CADM2: variants seen among roughly 807,000 people sequenced by gnomAD.
CADM2 encodes cell adhesion molecule 2, also known as immunoglobulin superfamily member 4D.
Under a neutral mutation model 49.8 loss-of-function variants are expected in CADM2, and 12 were observed. The observed-to-expected ratio is 0.24, with a 90% CI of 0.15 to 0.39. The LOEUF (loss-of-function observed/expected upper bound fraction) is 0.39, where lower values mean the gene tolerates loss of function less well. Among genes scored for constraint, CADM2 ranks in the 10% least tolerant of loss-of-function variants. The pLI is 1.00. For missense variants in CADM2, 378 were observed against 492.3 expected, an observed-to-expected ratio of 0.77 and a Z score of 2.20; for synonymous variants, 214 against 175.4, an observed-to-expected ratio of 1.22 and a Z score of -1.74.
At chr3:86,009,692 A>AT (rs1453789634) in intron 8 of CADM2, among the ~76,000 whole-genome samples, 2 of 151,724 alleles carry the variant, frequency 1.3e-5, no homozygotes, top group African/African-American at 2.4e-5. Flanking sequence ...AAAAATTATT[A>AT]TTTTTTTATG....
intron 1 of CADM2, among the ~76,000 whole-genome samples, chr3:85,418,993 G>C (rs1484707436): frequency 6.6e-6 from 1 of 152,082 alleles, no homozygotes; most frequent in Non-Finnish European, 1.5e-5. Flanking sequence ...GAAGGGTTGG[G>C]AACAGAAAGT....
At chr3:85,166,513 T>G (rs1211874180) in intron 1 of CADM2, among the ~76,000 whole-genome samples, 1 of 151,852 alleles carries the variant, frequency 6.6e-6, no homozygotes, top group Non-Finnish European at 1.5e-5. Context: ...AAATACATAT[T>G]TCTATTGCAT....
intron 8 of CADM2, among the ~76,000 whole-genome samples, chr3:85,996,671 C>G (rs1293746797): frequency 1.3e-5 from 2 of 151,992 alleles, no homozygotes; most frequent in Admixed American, 6.6e-5. Flanking sequence ...CTTTATTGTT[C>G]TGAAATATTC....
intron 1 of CADM2, among the ~76,000 whole-genome samples, chr3:85,284,008 T>C (rs796624678): frequency 1.3e-5 from 2 of 152,284 alleles, no homozygotes; most frequent in East Asian, 1.9e-4. Context: ...GTGGATACTA[T>C]AATAATTTAG....
At chr3:85,511,137 A>G (rs2040599103) in intron 1 of CADM2, among the ~76,000 whole-genome samples, 1 of 152,054 alleles carries the variant, frequency 6.6e-6, no homozygotes, top group Non-Finnish European at 1.5e-5. Context: ...TTAAAAGCAC[A>G]CCTCACCCCT....
chr3:85,382,778 A>C (rs2033976730), intron 1 of CADM2, among the ~76,000 whole-genome samples: 1 of 152,212 alleles, frequency 6.6e-6, no homozygotes, highest in Non-Finnish European at 1.5e-5. Context: ...TAGAGACAGA[A>C]ACAAATATTT....
intron 8 of CADM2, among the ~76,000 whole-genome samples, chr3:86,026,339 ATTT>A (rs142941680): frequency 4.8e-5 from 7 of 146,566 alleles, no homozygotes; most frequent in African/African-American, 1.5e-4. Flanking sequence ...CAACTATGCC[ATTT>A]TTTTTTTGGT....
intron 1 of CADM2, among the ~76,000 whole-genome samples, chr3:85,134,587 T>A (rs559408812): frequency 6.6e-6 from 1 of 152,334 alleles, no homozygotes; most frequent in East Asian, 1.9e-4. Context: ...ATATCTGTTA[T>A]TTTTAGTTGT....
chr3:85,401,074 A>G (rs985229869), intron 1 of CADM2, among the ~76,000 whole-genome samples: 6 of 152,150 alleles, frequency 3.9e-5, no homozygotes, highest in African/African-American at 1.4e-4. Flanking sequence ...AAACAGATGC[A>G]TTTTAAACAA....
chr3:85,417,060 G>C (rs1278009860), intron 1 of CADM2, among the ~76,000 whole-genome samples: 26 of 151,764 alleles, frequency 1.7e-4, no homozygotes, highest in Admixed American at 1.7e-3. Flanking sequence ...CTAACATGTA[G>C]AAAAATGTTC....
chr3:85,258,374 C>G (rs1420132175), intron 1 of CADM2, among the ~76,000 whole-genome samples: 1 of 152,044 alleles, frequency 6.6e-6, no homozygotes, highest in Non-Finnish European at 1.5e-5. Context: ...ATCTTATTAC[C>G]TTGGAGGCTT....
At chr3:85,550,551 A>T (rs1265681018) in intron 1 of CADM2, among the ~76,000 whole-genome samples, 1 of 152,216 alleles carries the variant, frequency 6.6e-6, no homozygotes, top group East Asian at 1.9e-4. Context: ...TTTGGGAATA[A>T]CTGATGTAGG....
chr3:85,718,170 T>C (rs1211760172), intron 1 of CADM2, among the ~76,000 whole-genome samples: 2 of 152,320 alleles, frequency 1.3e-5, no homozygotes, highest in East Asian at 3.9e-4. Context: ...TATATGTATA[T>C]ATAACCCATA....
chr3:85,262,172 G>C (rs576085584), intron 1 of CADM2, among the ~76,000 whole-genome samples: 1 of 151,980 alleles, frequency 6.6e-6, no homozygotes, highest in South Asian at 2.1e-4. Flanking sequence ...TAAATTTCAG[G>C]GAAATAAAAC....
intron 8 of CADM2, among the ~76,000 whole-genome samples, chr3:86,047,013 T>C (rs1221555648): frequency 1.3e-5 from 2 of 152,056 alleles, no homozygotes; most frequent in Non-Finnish European, 2.9e-5. Context: ...CAATCAAACA[T>C]TTATCTAGTA....
At chr3:85,344,139 G>A (rs934012437) in intron 1 of CADM2, among the ~76,000 whole-genome samples, 1 of 152,016 alleles carries the variant, frequency 6.6e-6, no homozygotes, top group Non-Finnish European at 1.5e-5. Context: ...ACTTTGGGGG[G>A]CCGAGGCGGG....
intron 1 of CADM2, among the ~76,000 whole-genome samples, chr3:85,074,919 C>T (rs1251365261): frequency 7.2e-6 from 1 of 139,516 alleles, no homozygotes; most frequent in Non-Finnish European, 1.6e-5. Flanking sequence ...GTATTCCTCT[C>T]AAAAAAAAAA....
At chr3:85,298,501 TG>T (rs2044020344) in intron 1 of CADM2, among the ~76,000 whole-genome samples, 2 of 152,138 alleles carry the variant, frequency 1.3e-5, no homozygotes, top group Admixed American at 1.3e-4. Context: ...TTTATCTTTT[TG>T]GCATTTCTAG....
At chr3:85,179,876 G>A (rs1398703625) in intron 1 of CADM2, among the ~76,000 whole-genome samples, 2 of 151,992 alleles carry the variant, frequency 1.3e-5, no homozygotes, top group African/African-American at 4.8e-5. Context: ...AATTGCACAA[G>A]TGCACCCTCA....
Sources: allele counts gnomAD v4.1 joint callset (sites outside exome capture counted in the v4.1 genomes callset), GRCh38; gene constraint gnomAD v4.1.1; transcripts MANE v1.5; gene names NCBI Gene and HGNC (gene_info 2026-07-23, HGNC 2026-07-21).